ADGRB3: variants seen among roughly 807,000 people sequenced by gnomAD.
ADGRB3 encodes the protein brain-specific angiogenesis inhibitor 3.
ADGRB3 carries 37 observed loss-of-function variants against 193.4 expected under a neutral mutation model. That is an observed-to-expected ratio of 0.19 (90% confidence interval 0.15 to 0.25). ADGRB3 has a LOEUF of 0.25. ADGRB3 is among the 10% of genes least tolerant of loss of function. ADGRB3 has a pLI of 1.00. For missense variants in ADGRB3, 1,637 were observed against 1,852.9 expected, an observed-to-expected ratio of 0.88 and a Z score of 2.14; for synonymous variants, 690 against 644.2, an observed-to-expected ratio of 1.07 and a Z score of -1.08.
At chr6:69,387,857 G>GC (rs1304751087) in intron 31 of ADGRB3, among the ~76,000 whole-genome samples, 4 of 152,026 alleles carry the variant, frequency 2.6e-5, no homozygotes. Context: ...GATTTGGGGA[G>GC]CAGGGAAGGC....
At chr6:69,325,112 A>AGC in intron 21 of ADGRB3, 90 bp downstream of exon 21, 12 of 1,432,426 alleles carry the variant, frequency 8.4e-6, no homozygotes, top group Non-Finnish European at 1.1e-5. Flanking sequence ...GACACAGGCT[A>AGC]CTTTGTGTCT....
At chr6:69,267,058 G>A (rs567797697) in intron 20 of ADGRB3, among the ~76,000 whole-genome samples, 12 of 152,100 alleles carry the variant, frequency 7.9e-5, no homozygotes, top group African/African-American at 1.9e-4. Flanking sequence ...GCATACAAGC[G>A]TAAGAACCCT....
At chr6:69,166,285 A>G (rs1416924606) in intron 17 of ADGRB3, among the ~76,000 whole-genome samples, 1 of 152,088 alleles carries the variant, frequency 6.6e-6, no homozygotes, top group Non-Finnish European at 1.5e-5. Flanking sequence ...AAAGCATGCA[A>G]TGTGATAGAG....
chr6:69,028,562 G>GTTAAA (rs1770509431), intron 13 of ADGRB3, among the ~76,000 whole-genome samples: 1 of 151,992 alleles, frequency 6.6e-6, no homozygotes, highest in Non-Finnish European at 1.5e-5. Context: ...TCTTTTAGAA[G>GTTAAA]TTAACTGCTG....
intron 3 of ADGRB3, among the ~76,000 whole-genome samples, chr6:68,804,443 C>T (rs917397897): frequency 1.7e-4 from 26 of 152,158 alleles, no homozygotes; most frequent in African/African-American, 6.3e-4. Flanking sequence ...ACATGCAATG[C>T]ATTAGAAGTA....
chr6:68,642,914 A>T (rs184036276), intron 3 of ADGRB3, among the ~76,000 whole-genome samples: 1 of 152,250 alleles, frequency 6.6e-6, no homozygotes, highest in Non-Finnish European at 1.5e-5. Context: ...TGAGGTCTTT[A>T]CTATAGTTTA....
chr6:68,989,481 G>A (rs937325933), intron 10 of ADGRB3, among the ~76,000 whole-genome samples: 1 of 152,122 alleles, frequency 6.6e-6, no homozygotes, highest in Non-Finnish European at 1.5e-5. Flanking sequence ...GGAAAAGGAT[G>A]GAGATGAGAA....
At chr6:68,756,579 A>G (rs1378253824) in intron 3 of ADGRB3, among the ~76,000 whole-genome samples, 2 of 152,094 alleles carry the variant, frequency 1.3e-5, no homozygotes, top group Non-Finnish European at 2.9e-5. Flanking sequence ...TGCTCACTTT[A>G]CTGCAGGCTA....
At chr6:69,282,776 A>G (rs997765620) in intron 20 of ADGRB3, among the ~76,000 whole-genome samples, 2 of 152,176 alleles carry the variant, frequency 1.3e-5, no homozygotes, top group Non-Finnish European at 1.5e-5. Context: ...CTCGTAAATC[A>G]CTAGGTACCA....
chr6:69,051,891 A>G (rs80128271), intron 15 of ADGRB3, among the ~76,000 whole-genome samples: 2,600 of 152,200 alleles, frequency 0.017, 79 homozygotes, highest in African/African-American at 0.058. Flanking sequence ...TTTTTCTGTA[A>G]TAATTAATTT....
intron 3 of ADGRB3, among the ~76,000 whole-genome samples, chr6:68,728,928 C>T (rs1352817864): frequency 6.6e-6 from 1 of 150,802 alleles, no homozygotes; most frequent in African/African-American, 2.4e-5. Flanking sequence ...TTACTTAAGC[C>T]AAAATTCTTC....
chr6:69,319,491 A>T (rs774517852), intron 20 of ADGRB3, among the ~76,000 whole-genome samples: 2 of 151,340 alleles, frequency 1.3e-5, no homozygotes, highest in Admixed American at 6.6e-5. Flanking sequence ...AATCATCAAT[A>T]TTATTATTTC....
At chr6:68,694,470 A>G (rs1765124909) in intron 3 of ADGRB3, among the ~76,000 whole-genome samples, 1 of 151,908 alleles carries the variant, frequency 6.6e-6, no homozygotes, top group Non-Finnish European at 1.5e-5. Context: ...AGGCACTGGT[A>G]TGGGAGTGAG....
At chr6:69,189,263 T>G (rs929994954) in intron 17 of ADGRB3, among the ~76,000 whole-genome samples, 5 of 152,222 alleles carry the variant, frequency 3.3e-5, no homozygotes, top group Non-Finnish European at 1.5e-5. Context: ...TCAGTATTTT[T>G]TCCAGTATTT....
intron 17 of ADGRB3, among the ~76,000 whole-genome samples, chr6:69,160,868 A>C (rs1774966680): frequency 6.6e-6 from 1 of 152,158 alleles, no homozygotes; most frequent in South Asian, 2.1e-4. Context: ...AGAGACCAAG[A>C]TACATGAGAA....
At chr6:68,657,334 G>T (rs141543732) in intron 3 of ADGRB3, among the ~76,000 whole-genome samples, 2 of 151,430 alleles carry the variant, frequency 1.3e-5, no homozygotes, top group African/African-American at 4.8e-5. Context: ...AATAAGCCTA[G>T]GTCTCAGTGC....
At chr6:69,239,064 T>C (rs1393116804) in intron 19 of ADGRB3, 60 bp from the exon 20 acceptor site, 3 of 993,012 alleles carry the variant, frequency 3.0e-6, no homozygotes, top group African/African-American at 1.6e-5. Flanking sequence ...TTGCACAATA[T>C]ATAATTCTTC....
chr6:68,952,755 C>T (rs746745113), intron 6 of ADGRB3, among the ~76,000 whole-genome samples: 1 of 151,570 alleles, frequency 6.6e-6, no homozygotes, highest in South Asian at 2.1e-4. Context: ...CTTGATGTAT[C>T]TTCAATTTCA....
At chr6:69,155,506 T>C (rs1314545402) in intron 17 of ADGRB3, among the ~76,000 whole-genome samples, 3 of 152,240 alleles carry the variant, frequency 2.0e-5, no homozygotes, top group African/African-American at 4.8e-5. Context: ...CAAGATACTT[T>C]GCAAACTCTA....
Sources: gnomAD v4.1 joint callset for allele counts (sites outside exome capture counted in the v4.1 genomes callset) on GRCh38, gnomAD v4.1.1 for gene constraint, MANE v1.5 for transcripts, NCBI Gene and HGNC (gene_info 2026-07-23, HGNC 2026-07-21) for gene names.